APOL5: variants seen among roughly 807,000 people sequenced by gnomAD.
APOL5 encodes apolipoprotein L5, also known as apolipoprotein L, 5.
APOL5 carries 29 observed loss-of-function variants against 35.5 expected under a neutral mutation model. The observed-to-expected ratio is 0.82, with a 90% confidence interval of 0.61 to 1.11. APOL5 has a LOEUF of 1.11. APOL5 is among the 50% of genes most tolerant of loss of function. The probability of loss-of-function intolerance (pLI) is 0.00; values close to 1 mark genes in which losing one functional copy is unlikely to be tolerated. For synonymous variants in APOL5, 188 were observed against 200.2 expected (o/e 0.94, Z 0.51); for missense variants, 514 against 530.4 (o/e 0.97, Z 0.30).
chr22:35,711,599 TTTCCTTCCTTCC>T, the APOL5 span, among the ~76,000 whole-genome samples: 3 of 77,508 alleles, frequency 3.9e-5, no homozygotes, highest in South Asian at 5.5e-4. Flanking sequence ...TCACCATGTT[TTTCCTTCCTTCC>T]TTCCTTCCTT....
the APOL5 span, among the ~76,000 whole-genome samples, chr22:35,711,045 C>G: frequency 1.3e-5 from 2 of 152,126 alleles, no homozygotes; most frequent in African/African-American, 2.4e-5. Context: ...GGCACATGCC[C>G]GTAATCCCCA....
In APOL5 at chr22:35,726,536, G is replaced by T; in HGVS notation, c.468G>T (p.Leu156Phe). Residue 156 changes from leucine to phenylalanine, a missense_variant, in exon 3 of 5, where the codon TTG (leucine) becomes TTT (phenylalanine). Coordinates refer to ENST00000249044, the MANE Select transcript of APOL5 (RefSeq NM_030642.1). ...AVSGVMNILG[L>F]ALAPVTAGGS... ...CTGGGGTCATGAACATCCTGGGTTT[G>T]GCCCTAGCACCTGTGACAGCAGGAG... 10 of 1,614,164 alleles carry T rather than the reference G, an allele frequency of 6.2e-6. No individual in the cohort carries two copies. The highest frequency in any genetic ancestry group is 8.5e-6 in the Non-Finnish European group (10 of 1,180,040).
intron 2 of APOL5, among the ~76,000 whole-genome samples, chr22:35,724,899 C>A (rs576053660): frequency 6.6e-6 from 1 of 152,274 alleles, no homozygotes; most frequent in South Asian, 2.1e-4. Context: ...GCGTGAGCCA[C>A]CGTGCCCGGC....
At chr22:35,720,997 C>T (rs968060109) in intron 2 of APOL5, among the ~76,000 whole-genome samples, 4 of 152,058 alleles carry the variant, frequency 2.6e-5, no homozygotes, top group African/African-American at 7.2e-5. Flanking sequence ...CCACCCGCCT[C>T]GGCCTCCCAA....
chr22:35,710,635 C>G, the APOL5 span, among the ~76,000 whole-genome samples: 1 of 152,050 alleles, frequency 6.6e-6, no homozygotes, highest in South Asian at 2.1e-4. Context: ...GCCATGGCCA[C>G]CAACATCCAC....
intron 4 of APOL5, 110 bp from the exon 5 acceptor site, chr22:35,729,244 C>T (rs1927282488): frequency 4.7e-6 from 1 of 212,230 alleles, no homozygotes; most frequent in East Asian, 1.3e-4. Flanking sequence ...GAAGAATGAC[C>T]TCGCCCAGCC....
upstream of APOL5, among the ~76,000 whole-genome samples, chr22:35,714,991 A>G (rs1926701953): frequency 6.6e-6 from 1 of 152,356 alleles, no homozygotes; most frequent in Middle Eastern, 3.4e-3. Flanking sequence ...TGGAAGATGC[A>G]TTTTTAAATT....
chr22:35,714,318 A>T (rs1381321518), upstream of APOL5, among the ~76,000 whole-genome samples: 3 of 152,166 alleles, frequency 2.0e-5, no homozygotes, highest in African/African-American at 7.2e-5. Flanking sequence ...TCTCAAAAAA[A>T]TAAAAATAAA....
intron 1 of APOL5, among the ~76,000 whole-genome samples, chr22:35,718,464 A>G (rs1376188462): frequency 6.6e-6 from 1 of 151,530 alleles, no homozygotes; most frequent in East Asian, 2.0e-4. Flanking sequence ...TTAAAAATAC[A>G]AAAAATTAGC....
chr22:35,721,692 C>T lies in APOL5; in HGVS notation c.142+1038C>T, dbSNP rs146451167. 3.7e-3 allele frequency among the ~76,000 whole-genome samples: 569 copies of T among 152,290 alleles called. 2 individuals carry two copies. Among genetic ancestry groups the T allele is most frequent in the Non-Finnish European group, 5.4e-3 (364 of 68,034 alleles). On this transcript the variant is annotated intron_variant, in intron 2 of 4. Coordinates refer to ENST00000249044, the MANE Select transcript of APOL5 (RefSeq NM_030642.1). ...ATATTCCTTCCTGGGTCTGCCTTCA[C>T]CCTTTCCCAACCCATGATAATGTCT...
chr22:35,727,854 A>G (rs997633328), intron 3 of APOL5, among the ~76,000 whole-genome samples: 4 of 152,250 alleles, frequency 2.6e-5, no homozygotes, highest in African/African-American at 9.6e-5. Flanking sequence ...TATGTAGAGA[A>G]ATTAAATTCC....
At position 35,728,868 on chromosome 22, in the gene APOL5, G is replaced by GAGACAGGCCCCGGGA. The variant is rs777960363; in HGVS notation, c.1278_1292dup (p.Gln426_Arg430dup). The GAGACAGGCCCCGGGA allele has an allele frequency of 8.1e-6, 13 of 1,609,876 alleles. 1 individual carries two copies. The highest frequency in any genetic ancestry group is 2.5e-6 in the Non-Finnish European group (3 of 1,178,270). ...CCCCACCAGCACCAGCAAGAAAGGG[G>GAGACAGGCCCCGGGA]AGACAGGCCCCGGGAAGACACCGAC... On this transcript the variant is annotated inframe_insertion, in exon 4 of 5. Coordinates refer to ENST00000249044, the MANE Select transcript of APOL5 (RefSeq NM_030642.1).
the APOL5 span, among the ~76,000 whole-genome samples, chr22:35,712,607 T>C: frequency 6.6e-6 from 1 of 152,254 alleles, no homozygotes; most frequent in Non-Finnish European, 1.5e-5. Context: ...GAGAAATATC[T>C]ATTCACATCC....
intron 1 of APOL5, among the ~76,000 whole-genome samples, chr22:35,718,511 G>A (rs938787126): frequency 4.0e-5 from 6 of 150,028 alleles, no homozygotes; most frequent in African/African-American, 1.5e-4. Context: ...CCGTTACTCG[G>A]GAGGGTGAGG....
intron 3 of APOL5, 109 bp downstream of exon 3, chr22:35,727,303 GC>G (rs1927207198): frequency 1.8e-5 from 27 of 1,459,496 alleles, no homozygotes; most frequent in Non-Finnish European, 2.1e-5. Context: ...AACTACAGCT[GC>G]CCCTTCTGCA....
At chr22:35,727,715 G>A (rs1927219401) in intron 3 of APOL5, among the ~76,000 whole-genome samples, 2 of 152,224 alleles carry the variant, frequency 1.3e-5, no homozygotes, top group Admixed American at 1.3e-4. Flanking sequence ...GCAGTGCTTG[G>A]CACATAGCCA....
At chr22:35,712,831 G>T in the APOL5 span, among the ~76,000 whole-genome samples, 1 of 152,172 alleles carries the variant, frequency 6.6e-6, no homozygotes, top group Non-Finnish European at 1.5e-5. Flanking sequence ...AATGGAATTG[G>T]CAGTTTTCAG....
chr22:35,721,872 A>G (rs1926981472), intron 2 of APOL5, among the ~76,000 whole-genome samples: 1 of 146,424 alleles, frequency 6.8e-6, no homozygotes, highest in Non-Finnish European at 1.5e-5. Context: ...CAAAGTGTCC[A>G]TAAGGTTCTC....
Position 35,718,589 on chromosome 22 carries a change from G to A in APOL5, c.55+663G>A, listed in dbSNP as rs866381936. 2.8e-3 allele frequency among the ~76,000 whole-genome samples: 230 copies of A among 81,872 alleles called. 3 individuals carry two copies. Among genetic ancestry groups the A allele is most frequent in the African/African-American group, 0.01 (162 of 15,948 alleles). The allele number at this position is 81,872 out of a possible 152,430, so 53.7% of individuals were successfully genotyped here. A position where few individuals can be genotyped will look rare whatever the true frequency, so the allele number is the denominator to read the frequency against. On this transcript the variant is annotated intron_variant, in intron 1 of 4. Transcript: ENST00000249044. ...AGCCTGGACAACAGACAGAGACCCCGTCTCAAAAAAAAAAAAAAAAAAAAA... is the reference window on the plus strand; with the variant it reads ...AGCCTGGACAACAGACAGAGACCCCATCTCAAAAAAAAAAAAAAAAAAAAA...
Sources: gnomAD v4.1 joint callset for allele counts (sites outside exome capture counted in the v4.1 genomes callset) on GRCh38, gnomAD v4.1.1 for gene constraint, MANE v1.5 for transcripts, NCBI Gene and HGNC (gene_info 2026-07-23, HGNC 2026-07-21) for gene names.